PSMD11: variants seen among roughly 807,000 people sequenced by gnomAD.
PSMD11 encodes 26S proteasome non-ATPase regulatory subunit 11.
PSMD11 carries 5 observed loss-of-function variants against 62.3 expected under a neutral mutation model. That is an observed-to-expected ratio of 0.08 (90% CI 0.04 to 0.17). The LOEUF is 0.17. Ranked by LOEUF, PSMD11 falls within the 10% of genes least tolerant of loss-of-function variation. The pLI, the probability that PSMD11 is intolerant of heterozygous loss-of-function variation, is 1.00. For synonymous variants in PSMD11, 191 were observed against 191.8 expected, an observed-to-expected ratio of 1.00 and a Z score of 0.03; for missense variants, 310 against 512.9, an observed-to-expected ratio of 0.60 and a Z score of 3.82.
intron 9 of PSMD11, among the ~76,000 whole-genome samples, chr17:32,478,811 C>G (rs1908403410): frequency 6.6e-6 from 1 of 152,094 alleles, no homozygotes; most frequent in South Asian, 2.1e-4. Context: ...CTGAGTTGCT[C>G]TTGGGGCTTA....
intron 3 of PSMD11, among the ~76,000 whole-genome samples, chr17:32,456,414 C>A (rs1207433004): frequency 6.6e-6 from 1 of 151,696 alleles, no homozygotes; most frequent in East Asian, 2.0e-4. Flanking sequence ...CTCTTGTTGC[C>A]CAGGCTGGAG....
chr17:32,461,100 C>T (rs1356444994), intron 3 of PSMD11, among the ~76,000 whole-genome samples: 8 of 151,846 alleles, frequency 5.3e-5, no homozygotes, highest in Non-Finnish European at 8.8e-5. Flanking sequence ...TTTTTTGAGA[C>T]GGAGTCTCGC....
intron 9 of PSMD11, 153 bp downstream of exon 9, chr17:32,477,736 T>C (rs1908371004): frequency 3.9e-6 from 2 of 514,252 alleles, no homozygotes; most frequent in Non-Finnish European, 6.6e-6. Flanking sequence ...AACCAGGAAA[T>C]AGTTAAGCAC....
chr17:32,460,912 G>A (rs953204997), intron 3 of PSMD11, among the ~76,000 whole-genome samples: 4 of 151,954 alleles, frequency 2.6e-5, no homozygotes, highest in Non-Finnish European at 5.9e-5. Context: ...AGTGAGGATG[G>A]GTTGGTTGGC....
intron 10 of PSMD11, 104 bp downstream of exon 10, chr17:32,479,480 G>T: frequency 6.8e-7 from 1 of 1,471,660 alleles, no homozygotes; most frequent in Non-Finnish European, 9.2e-7. Flanking sequence ...GGGTGTGCCT[G>T]GTGGGCAAGA....
In PSMD11 at chr17:32,457,522, C is replaced by T. The variant is rs140748118; in HGVS notation, c.318+2903C>T. ...AAGTCCTGGGATTACAGGCGTGCAG[C>T]ACTACGCCCGGCTAAGGCTGATTTT... On this transcript the variant is annotated intron_variant, in intron 3 of 13. Transcript: ENST00000261712. 4.8e-3 allele frequency among the ~76,000 whole-genome samples: 734 copies of T among 152,326 alleles called. 5 individuals carry two copies. The highest frequency in any genetic ancestry group is 0.016 in the African/African-American group (648 of 41,564).
intron 3 of PSMD11, among the ~76,000 whole-genome samples, chr17:32,456,143 C>CAAAA (rs551469411): frequency 5.2e-5 from 3 of 58,204 alleles, no homozygotes; most frequent in Non-Finnish European, 1.1e-4. Flanking sequence ...GACTCTGTCT[C>CAAAA]AAAAAAAAAA....
chr17:32,472,288 C>T (rs1908186244), intron 6 of PSMD11, among the ~76,000 whole-genome samples: 2 of 151,096 alleles, frequency 1.3e-5, no homozygotes, highest in South Asian at 2.1e-4. Context: ...AGTGACGTGA[C>T]CTCGGCTCAC....
At chr17:32,479,926 G>T in intron 11 of PSMD11, 40 bp downstream of exon 11, 1 of 1,600,250 alleles carries the variant, frequency 6.2e-7, no homozygotes, top group South Asian at 1.1e-5. Flanking sequence ...GGAATGGGAC[G>T]GGGTGGCGAG....
chr17:32,475,847 C>T (rs1383805055), intron 8 of PSMD11, among the ~76,000 whole-genome samples: 1 of 151,882 alleles, frequency 6.6e-6, no homozygotes, highest in South Asian at 2.1e-4. Flanking sequence ...CCCACCTCAA[C>T]CTCCAAAAGT....
At chr17:32,469,703 G>GTTT (rs142620297) in intron 6 of PSMD11, among the ~76,000 whole-genome samples, 1 of 148,982 alleles carries the variant, frequency 6.7e-6, no homozygotes. Context: ...GTATTCAGCA[G>GTTT]TTTTTTTTTT....
intron 3 of PSMD11, among the ~76,000 whole-genome samples, chr17:32,459,115 C>CATATATATATATATATATATATAT (rs10595066): frequency 8.0e-5 from 9 of 111,874 alleles, no homozygotes; most frequent in African/African-American, 2.8e-4. Flanking sequence ...AAAAAAAATA[C>CATATATATATATATATATATATAT]ATATATATAT....
chr17:32,480,377 C>T, intron 12 of PSMD11, 112 bp from the exon 13 acceptor site: 2 of 1,473,436 alleles, frequency 1.4e-6, no homozygotes, highest in Non-Finnish European at 1.9e-6. Flanking sequence ...GAGATGAATT[C>T]TATTTCCCTT....
intron 9 of PSMD11, among the ~76,000 whole-genome samples, chr17:32,478,846 G>A (rs997123391): frequency 1.3e-5 from 2 of 152,142 alleles, no homozygotes; most frequent in Non-Finnish European, 2.9e-5. Flanking sequence ...TTCACCTGAA[G>A]CCTGCAGACA....
At chr17:32,453,140 T>G (rs1400367492) in intron 2 of PSMD11, among the ~76,000 whole-genome samples, 1 of 152,188 alleles carries the variant, frequency 6.6e-6, no homozygotes, top group Non-Finnish European at 1.5e-5. Context: ...GAGGAAATTC[T>G]GTGGGAGAAG....
chr17:32,479,957 G>A (rs966476229), intron 11 of PSMD11, 71 bp downstream of exon 11: 1 of 1,552,116 alleles, frequency 6.4e-7, no homozygotes, highest in African/African-American at 1.4e-5. Context: ...ACATGCACCT[G>A]ATTGGCCTCA....
chr17:32,480,755 T>G lies in PSMD11; in HGVS notation c.*3T>G. 1 of 1,192,810 alleles carries G rather than the reference T, an allele frequency of 8.4e-7. No individual in the cohort carries two copies. The highest frequency in any genetic ancestry group is 1.2e-6 in the Non-Finnish European group (1 of 853,974). The allele number at this position is 1,192,810 out of a possible 1,614,324, so 73.9% of individuals were successfully genotyped here. A position where few individuals can be genotyped will look rare whatever the true frequency, so the allele number is the denominator to read the frequency against. On this transcript the variant is annotated splice_region_variant and 3_prime_UTR_variant, in exon 14 of 14. Coordinates refer to ENST00000261712, the MANE Select transcript of PSMD11 (RefSeq NM_002815.4). ...CACTGCTCTGTCTTCTCTTGCAGAG[T>G]TGGATCTGTAGCGGTCCTTTGGAGA...
chr17:32,458,704 T>C (rs1389232877), intron 3 of PSMD11, among the ~76,000 whole-genome samples: 1 of 152,226 alleles, frequency 6.6e-6, no homozygotes. Context: ...TCTGACCACA[T>C]CCACTATACT....
intron 5 of PSMD11, among the ~76,000 whole-genome samples, chr17:32,467,231 C>T (rs1184151475): frequency 6.7e-6 from 1 of 148,546 alleles, no homozygotes. Flanking sequence ...GCGTGAGCCA[C>T]CATGCCCGGC....
Sources: allele counts gnomAD v4.1 joint callset (sites outside exome capture counted in the v4.1 genomes callset), GRCh38; gene constraint gnomAD v4.1.1; transcripts MANE v1.5; gene names NCBI Gene and HGNC (gene_info 2026-07-23, HGNC 2026-07-21).